Variants in CTNNA1 observed in about 807,000 individuals in gnomAD.
CTNNA1 encodes the protein catenin alpha-1.
Under a neutral mutation model 98.4 loss-of-function variants are expected in CTNNA1, and 37 were observed. The observed-to-expected ratio is 0.38, with a 90% confidence interval of 0.29 to 0.49. CTNNA1 has a LOEUF of 0.49. CTNNA1 is among the 20% of genes least tolerant of loss of function. CTNNA1 has a pLI of 0.95. For missense variants in CTNNA1, 761 were observed against 1,147.2 expected (o/e 0.66, Z 4.86); for synonymous variants, 404 against 413.2 (o/e 0.98, Z 0.27).
intron 7 of CTNNA1, among the ~76,000 whole-genome samples, chr5:138,832,813 GT>G (rs1761399042): frequency 6.6e-6 from 1 of 152,124 alleles, no homozygotes; most frequent in African/African-American, 2.4e-5. Flanking sequence ...TGGTTAATGG[GT>G]TAAAATTTCT....
At chr5:138,797,031 T>G (rs1262455016) in intron 3 of CTNNA1, among the ~76,000 whole-genome samples, 2 of 152,200 alleles carry the variant, frequency 1.3e-5, no homozygotes, top group Non-Finnish European at 2.9e-5. Flanking sequence ...TTACTCTTAT[T>G]TTGGATAAAA....
At chr5:138,759,408 T>G (rs867744910) in intron 1 of CTNNA1, among the ~76,000 whole-genome samples, 3 of 152,112 alleles carry the variant, frequency 2.0e-5, no homozygotes, top group Admixed American at 6.6e-5. Flanking sequence ...TTTCCTTATC[T>G]CCCCCGCACC....
chr5:138,767,124 C>T (rs1285139236), intron 1 of CTNNA1, among the ~76,000 whole-genome samples: 1 of 152,118 alleles, frequency 6.6e-6, no homozygotes, highest in East Asian at 1.9e-4. Flanking sequence ...GCAAGCTCCT[C>T]CTCCCGGGTT....
intron 1 of CTNNA1, among the ~76,000 whole-genome samples, chr5:138,772,247 C>T (rs889570467): frequency 6.6e-6 from 1 of 152,146 alleles, no homozygotes; most frequent in Non-Finnish European, 1.5e-5. Flanking sequence ...TGCTTTATAG[C>T]CAGGATTACC....
chr5:138,860,695 C>T (rs926567187), intron 7 of CTNNA1, among the ~76,000 whole-genome samples: 32 of 151,984 alleles, frequency 2.1e-4, no homozygotes, highest in African/African-American at 7.0e-4. Flanking sequence ...GGGGTTTCAC[C>T]GTGTTGCCCC....
intron 4 of CTNNA1, chr5:138,811,959 G>A (rs2149735689): frequency 5.0e-6 from 2 of 403,700 alleles, no homozygotes; most frequent in South Asian, 2.7e-5. Context: ...AGGGGAAGGG[G>A]GAGGGAATTT....
At chr5:138,802,866 C>T (rs1210442111) in intron 3 of CTNNA1, among the ~76,000 whole-genome samples, 1 of 151,950 alleles carries the variant, frequency 6.6e-6, no homozygotes, top group Non-Finnish European at 1.5e-5. Context: ...GGTGCAGTCC[C>T]AGCTCACTGT....
At position 138,926,728 on chromosome 5, in the gene CTNNA1, G is replaced by GA. The variant is rs66931166; in HGVS notation, c.1899+1330dup. Among the ~76,000 whole-genome samples the GA allele has an allele frequency of 6.2e-4, 93 of 151,078 alleles. 1 individual carries two copies. The South Asian group carries it at 0.013, about 21-fold the overall frequency. ...TGATGATTTCTCCCATTTTTAGGGGGAAAAAAAAAGTCTCTTGACCCACAC... is the reference window on the plus strand; with the variant it reads ...TGATGATTTCTCCCATTTTTAGGGGGAAAAAAAAAAGTCTCTTGACCCACAC... On this transcript the variant is annotated intron_variant, in intron 13 of 17. Transcript: ENST00000302763.
Position 138,810,587 on chromosome 5 carries a change from T to G in CTNNA1, c.468+383T>G, listed in dbSNP as rs537456206. Among the ~76,000 whole-genome samples the G allele has an allele frequency of 3.9e-5, 6 of 152,318 alleles. No individual in the cohort carries two copies. The East Asian group carries it at 1.2e-3, about 29-fold the overall frequency. Reference sequence around the variant, plus strand: ...ACCCTGAGTGGACACAGCACATGTTTCAGAGAGCACAGGGTTGGGGGTAAG... The same window carrying G: ...ACCCTGAGTGGACACAGCACATGTTGCAGAGAGCACAGGGTTGGGGGTAAG... On this transcript the variant is annotated intron_variant, in intron 4 of 17. Transcript: ENST00000302763.
At chr5:138,761,185 A>G (rs893946572) in intron 1 of CTNNA1, among the ~76,000 whole-genome samples, 16 of 152,198 alleles carry the variant, frequency 1.1e-4, no homozygotes, top group African/African-American at 3.4e-4. Flanking sequence ...TGTTGTGAAA[A>G]TAAATTCATT....
At chr5:138,859,971 C>T (rs1470719221) in intron 7 of CTNNA1, among the ~76,000 whole-genome samples, 2 of 152,092 alleles carry the variant, frequency 1.3e-5, no homozygotes, top group Admixed American at 1.3e-4. Flanking sequence ...AGACTCCCTT[C>T]TCAATTTAAA....
chr5:138,807,597 G>T (rs528982649), intron 3 of CTNNA1, among the ~76,000 whole-genome samples: 2 of 151,948 alleles, frequency 1.3e-5, no homozygotes, highest in Non-Finnish European at 1.5e-5. Context: ...TGAAGGCAGG[G>T]ATGTTATGTT....
chr5:138,913,210 T>C (rs1761031228), intron 10 of CTNNA1, among the ~76,000 whole-genome samples: 1 of 152,160 alleles, frequency 6.6e-6, no homozygotes, highest in Non-Finnish European at 1.5e-5. Flanking sequence ...CCTCCCTTCA[T>C]TTTGTATTCT....
chr5:138,777,844 C>T (rs1001951359), intron 1 of CTNNA1, among the ~76,000 whole-genome samples: 28 of 139,552 alleles, frequency 2.0e-4, no homozygotes, highest in South Asian at 4.8e-4. Flanking sequence ...AGTGGGAGAC[C>T]GTGGAAAGAG....
At chr5:138,776,978 G>T (rs1196315818) in intron 1 of CTNNA1, among the ~76,000 whole-genome samples, 6 of 148,212 alleles carry the variant, frequency 4.0e-5, no homozygotes, top group Non-Finnish European at 7.5e-5. Flanking sequence ...CCCGGACGGG[G>T]CGGCTGGCCT....
Position 138,931,822 on chromosome 5 carries a change from A to C in CTNNA1, c.2299-756A>C, listed in dbSNP as rs551994469. The C allele has an allele frequency of 1.1e-5, 11 of 985,494 alleles. No homozygotes were observed. In the Admixed American group the frequency reaches 3.7e-4, roughly 33 times the overall value. The allele number at this position is 985,494 out of a possible 1,614,324, so 61.0% of individuals were successfully genotyped here. ...TCTCCAGTATGGTCTGCGGGGTCTC[A>C]GTTCATACCACTCTCTGTGGTGTAC... On this transcript the variant is annotated intron_variant, in intron 16 of 17. Coordinates refer to ENST00000302763, the MANE Select transcript of CTNNA1 (RefSeq NM_001903.5).
intron 1 of CTNNA1, among the ~76,000 whole-genome samples, chr5:138,774,130 A>G (rs908618573): frequency 1.4e-4 from 21 of 152,088 alleles, no homozygotes; most frequent in Non-Finnish European, 1.2e-4. Context: ...TGATCTGCCC[A>G]CCTCAGCCTA....
intron 3 of CTNNA1, among the ~76,000 whole-genome samples, chr5:138,789,543 C>T (rs776036092): frequency 3.3e-5 from 5 of 152,200 alleles, no homozygotes; most frequent in African/African-American, 7.2e-5. Flanking sequence ...CTGCAACCTT[C>T]GCCTCCTGGG....
At chr5:138,861,987 G>A (rs1457477151) in intron 7 of CTNNA1, among the ~76,000 whole-genome samples, 3 of 152,142 alleles carry the variant, frequency 2.0e-5, no homozygotes, top group Non-Finnish European at 4.4e-5. Context: ...TTTCCTTGTT[G>A]GATAAACTAG....
Sources: gnomAD v4.1 joint callset for allele counts (sites outside exome capture counted in the v4.1 genomes callset) on GRCh38, gnomAD v4.1.1 for gene constraint, MANE v1.5 for transcripts, NCBI Gene and HGNC (gene_info 2026-07-23, HGNC 2026-07-21) for gene names.